Variants in IL1RAPL2 observed in about 807,000 individuals in gnomAD.
IL1RAPL2 encodes the protein interleukin 1 receptor accessory protein like 2.
In IL1RAPL2, 3 loss-of-function variants were observed where a neutral mutation model predicts 44.1. The ratio of observed to expected loss-of-function variants is 0.07; its 90% CI spans 0.03 to 0.18. IL1RAPL2 has a LOEUF of 0.18. Ranked by LOEUF, IL1RAPL2 falls within the 10% of genes least tolerant of loss-of-function variation. IL1RAPL2 has a pLI of 1.00. For missense variants in IL1RAPL2, 391 were observed against 496.4 expected (o/e 0.79, Z 2.02); for synonymous variants, 181 against 178.8 (o/e 1.01, Z -0.10).
chrX:105,698,378 A>C (rs780295838), intron 6 of IL1RAPL2, among the ~76,000 whole-genome samples: 2 of 111,622 alleles, frequency 1.8e-5, no homozygotes, highest in Non-Finnish European at 3.8e-5. Flanking sequence ...ATTTTAACTA[A>C]ACTTAACTTA....
intron 2 of IL1RAPL2, among the ~76,000 whole-genome samples, chrX:104,808,143 A>C (rs1932936264): frequency 8.9e-6 from 1 of 112,572 alleles, no homozygotes; most frequent in Admixed American, 9.4e-5. Context: ...GCAAATTATT[A>C]GATGTTTACT....
chrX:105,412,281 G>A (rs1045576134), intron 5 of IL1RAPL2, among the ~76,000 whole-genome samples: 6 of 99,173 alleles, frequency 6.1e-5, no homozygotes, highest in East Asian at 3.3e-4. Flanking sequence ...CATGTCCAAC[G>A]CAGATGAGTG....
chrX:104,653,918 A>G (rs1038674273), intron 1 of IL1RAPL2, among the ~76,000 whole-genome samples: 9 of 110,905 alleles, frequency 8.1e-5, no homozygotes, highest in Non-Finnish European at 1.3e-4. Context: ...TGTATCTTGA[A>G]TTTATCATGA....
chrX:105,353,909 T>A (rs955070997), intron 5 of IL1RAPL2, among the ~76,000 whole-genome samples: 1 of 111,248 alleles, frequency 9.0e-6, no homozygotes, highest in East Asian at 2.9e-4. Flanking sequence ...CTTTTCCTAA[T>A]TGAATACTCT....
At chrX:104,709,144 G>A (rs1226241063) in intron 2 of IL1RAPL2, among the ~76,000 whole-genome samples, 2 of 109,804 alleles carry the variant, frequency 1.8e-5, no homozygotes, top group African/African-American at 6.6e-5. Flanking sequence ...TTGACCATAG[G>A]TAAGCTACCT....
intron 5 of IL1RAPL2, among the ~76,000 whole-genome samples, chrX:105,287,248 A>G (rs2034579042): frequency 9.0e-6 from 1 of 111,724 alleles, no homozygotes; most frequent in African/African-American, 3.3e-5. Flanking sequence ...GTGAGCATTA[A>G]CTAGGAAAGA....
chrX:105,130,487 G>A (rs1243237435), intron 2 of IL1RAPL2, among the ~76,000 whole-genome samples: 1 of 111,085 alleles, frequency 9.0e-6, no homozygotes, highest in East Asian at 2.8e-4. Context: ...AATAGAATTA[G>A]GGTAGGGCCT....
intron 2 of IL1RAPL2, among the ~76,000 whole-genome samples, chrX:104,962,305 T>G (rs997273598): frequency 8.9e-6 from 1 of 112,344 alleles, no homozygotes; most frequent in Non-Finnish European, 1.9e-5. Flanking sequence ...GAAAGGTTAT[T>G]AATACAGTGA....
At chrX:105,503,690 G>A (rs1036761776) in intron 6 of IL1RAPL2, among the ~76,000 whole-genome samples, 2 of 111,590 alleles carry the variant, frequency 1.8e-5, no homozygotes, top group African/African-American at 3.3e-5. Flanking sequence ...TTGTATCACT[G>A]TTCCAGAAAC....
intron 2 of IL1RAPL2, among the ~76,000 whole-genome samples, chrX:104,679,059 C>G (rs1270297456): frequency 8.9e-6 from 1 of 111,769 alleles, no homozygotes; most frequent in Admixed American, 9.5e-5. Flanking sequence ...AGAAACTTAC[C>G]TTACATCCTG....
chrX:104,875,570 C>G (rs1195784775), intron 2 of IL1RAPL2, among the ~76,000 whole-genome samples: 1 of 111,750 alleles, frequency 8.9e-6, no homozygotes, highest in Non-Finnish European at 1.9e-5. Context: ...TTCCACTTTT[C>G]TCCCATTCCC....
intron 2 of IL1RAPL2, among the ~76,000 whole-genome samples, 195 bp downstream of exon 2, chrX:104,659,190 G>A (rs1364483441): frequency 1.8e-5 from 2 of 111,631 alleles, no homozygotes; most frequent in African/African-American, 6.5e-5. Context: ...GTGGAATTTT[G>A]TTAAACTTCA....
intron 1 of IL1RAPL2, among the ~76,000 whole-genome samples, chrX:104,631,579 C>T (rs960270322): frequency 2.7e-5 from 3 of 112,030 alleles, no homozygotes; most frequent in Non-Finnish European, 5.6e-5. Context: ...TTACATTTCT[C>T]TGATGGCCAG....
At chrX:104,613,973 G>A (rs1173828085) in intron 1 of IL1RAPL2, among the ~76,000 whole-genome samples, 6 of 110,126 alleles carry the variant, frequency 5.4e-5, no homozygotes, top group Admixed American at 4.9e-4. Flanking sequence ...TCTAGTTTGT[G>A]TGCATAGAGG....
chrX:105,288,343 G>A (rs756754828), intron 5 of IL1RAPL2, among the ~76,000 whole-genome samples: 1 of 108,965 alleles, frequency 9.2e-6, no homozygotes, highest in Admixed American at 9.9e-5. Flanking sequence ...GAAAAGTGGT[G>A]TGTAAATCAT....
At chrX:105,131,057 A>C (rs2033021462) in intron 2 of IL1RAPL2, among the ~76,000 whole-genome samples, 1 of 111,453 alleles carries the variant, frequency 9.0e-6, no homozygotes, top group Non-Finnish European at 1.9e-5. Flanking sequence ...AGTGTAACTA[A>C]ATTTACACAG....
rs1025556423 is a variant in IL1RAPL2, at chrX:105,628,167, A to AT, written c.773-89192dup. Among the ~76,000 whole-genome samples, 7 of 110,504 alleles carry AT rather than the reference A, an allele frequency of 6.3e-5. No homozygotes were observed. In the East Asian group the frequency reaches 2.0e-3, roughly 32 times the overall value. ...GGTGCATTGGTATTGTACCCATTTC[A>AT]TTTTTTTTCTTTTTCTTTTTTTATT... On this transcript the variant is annotated intron_variant, in intron 6 of 10. Coordinates refer to ENST00000372582, the MANE Select transcript of IL1RAPL2 (RefSeq NM_017416.2).
In IL1RAPL2 at chrX:105,645,289, G is replaced by A. The variant is rs2037597855; in HGVS notation, c.773-72078G>A. ...TAGGAAGCTTTGTCCAATGGGCCCA[G>A]CCTCCAACCTGCCATAACAATTTCC... On this transcript the variant is annotated intron_variant, in intron 6 of 10. Coordinates refer to ENST00000372582, the MANE Select transcript of IL1RAPL2 (RefSeq NM_017416.2). 2.7e-5 allele frequency among the ~76,000 whole-genome samples: 3 copies of A among 111,269 alleles called. No individual in the cohort carries two copies. The Admixed American group carries it at 2.9e-4, about 11-fold the overall frequency.
At chrX:104,624,236 T>A (rs1376875960) in intron 1 of IL1RAPL2, among the ~76,000 whole-genome samples, 2 of 111,729 alleles carry the variant, frequency 1.8e-5, no homozygotes, top group African/African-American at 3.3e-5. Flanking sequence ...TTCCTCCTAC[T>A]TGGCAGTTAA....
Sources: gnomAD v4.1 joint callset for allele counts (sites outside exome capture counted in the v4.1 genomes callset) on GRCh38, gnomAD v4.1.1 for gene constraint, MANE v1.5 for transcripts, NCBI Gene and HGNC (gene_info 2026-07-23, HGNC 2026-07-21) for gene names.